Variants in GPBP1L1 observed in about 807,000 individuals in gnomAD.
GPBP1L1 encodes vasculin-like protein 1.
A neutral mutation model predicts 52.5 loss-of-function variants in GPBP1L1; 23 were observed. That is an observed-to-expected ratio of 0.44 (90% CI 0.32 to 0.62). GPBP1L1 has a LOEUF of 0.62. GPBP1L1 is among the 20% of genes least tolerant of loss of function. GPBP1L1 has a pLI of 0.06. For missense variants in GPBP1L1, 596 were observed against 579.3 expected (o/e 1.03, Z -0.30); for synonymous variants, 243 against 203.1 (o/e 1.20, Z -1.67).
At chr1:45,651,871 TCTCTAATTAACAATAC>T (rs1197121978) in intron 6 of GPBP1L1, 2 of 224,850 alleles carry the variant, frequency 8.9e-6, no homozygotes, top group African/African-American at 4.6e-5. Flanking sequence ...GACTCTTCCT[TCTCTAATTAACAATAC>T]CTCAGTTCCA....
intron 10 of GPBP1L1, among the ~76,000 whole-genome samples, chr1:45,632,034 A>T (rs1004662002): frequency 3.3e-5 from 5 of 152,112 alleles, no homozygotes; most frequent in African/African-American, 1.2e-4. Context: ...CAGCCTGACC[A>T]ACATGGTGAA....
chr1:45,629,832 G>A (rs1569741603), intron 11 of GPBP1L1, 154 bp from the exon 12 acceptor site: 3 of 602,356 alleles, frequency 5.0e-6, no homozygotes, highest in South Asian at 2.0e-5. Flanking sequence ...CTTTAATTGT[G>A]GCTACCTGGG....
At chr1:45,684,450 A>C (rs577433720) in intron 2 of GPBP1L1, among the ~76,000 whole-genome samples, 1 of 152,102 alleles carries the variant, frequency 6.6e-6, no homozygotes, top group Non-Finnish European at 1.5e-5. Flanking sequence ...AATGAATTAC[A>C]AGCAGAAATG....
At chr1:45,673,773 T>C (rs1645104908) in intron 2 of GPBP1L1, among the ~76,000 whole-genome samples, 1 of 152,128 alleles carries the variant, frequency 6.6e-6, no homozygotes, top group South Asian at 2.1e-4. Flanking sequence ...GAGGCAGAAT[T>C]GCTTGAATCC....
intron 11 of GPBP1L1, among the ~76,000 whole-genome samples, chr1:45,630,062 C>G (rs976827093): frequency 1.3e-5 from 2 of 151,996 alleles, no homozygotes; most frequent in Non-Finnish European, 2.9e-5. Context: ...GCCATTCTCC[C>G]GTCCCAGCCT....
At position 45,630,478 on chromosome 1, in the gene GPBP1L1, T is replaced by A. The variant is rs771160764; in HGVS notation, c.1169+4A>T. Reference sequence around the variant, plus strand: ...GCATGCCCTGTGATGTCCTCCTCACTTACCTGTGCTCTGCTTCTAGAGAGT... The same window carrying A: ...GCATGCCCTGTGATGTCCTCCTCACATACCTGTGCTCTGCTTCTAGAGAGT... On this transcript the variant is annotated splice_donor_region_variant and intron_variant, in intron 11 of 12. Coordinates refer to ENST00000355105, the MANE Select transcript of GPBP1L1 (RefSeq NM_021639.5). 6.2e-7 allele frequency: 1 copy of A among 1,613,782 alleles called. No individual in the cohort carries two copies. Among genetic ancestry groups the A allele is most frequent in the East Asian group, 2.2e-5 (1 of 44,882 alleles).
At chr1:45,664,890 G>A (rs1351731670) in intron 2 of GPBP1L1, among the ~76,000 whole-genome samples, 1 of 152,056 alleles carries the variant, frequency 6.6e-6, no homozygotes, top group African/African-American at 2.4e-5. Flanking sequence ...TGTTAGCCAG[G>A]TTGGTCTTGA....
In GPBP1L1 at chr1:45,633,433, C is replaced by T. The variant is rs878882059; in HGVS notation, c.1044+56G>A. 14 of 1,564,326 alleles carry T rather than the reference C, an allele frequency of 8.9e-6. No homozygotes were observed. In the South Asian group the frequency reaches 9.0e-5, roughly 10 times the overall value. On this transcript the variant is annotated intron_variant, in intron 10 of 12. Transcript: ENST00000355105. ...TTTATCCTTTAAGAAGAAGAAATCA[C>T]GTATGTATCAAAGGAAAATTCCTAG...
intron 6 of GPBP1L1, among the ~76,000 whole-genome samples, chr1:45,647,285 C>T (rs1375609907): frequency 6.6e-6 from 1 of 151,580 alleles, no homozygotes; most frequent in Non-Finnish European, 1.5e-5. Context: ...CTTTAATGTC[C>T]TGGTTATCTT....
chr1:45,630,333 G>T, intron 11 of GPBP1L1, 149 bp downstream of exon 11: 2 of 841,016 alleles, frequency 2.4e-6, no homozygotes, highest in Non-Finnish European at 1.8e-6. Flanking sequence ...ATGAGCAACA[G>T]GCCAACCTGG....
intron 6 of GPBP1L1, among the ~76,000 whole-genome samples, chr1:45,647,304 C>T (rs568224562): frequency 6.6e-6 from 1 of 151,900 alleles, no homozygotes; most frequent in Non-Finnish European, 1.5e-5. Flanking sequence ...TTCTCCCTAC[C>T]GCTTTTATCT....
intron 8 of GPBP1L1, among the ~76,000 whole-genome samples, chr1:45,639,629 C>G (rs2148436505): frequency 6.6e-6 from 1 of 150,980 alleles, no homozygotes; most frequent in Admixed American, 6.6e-5. Context: ...GTAATCCCAG[C>G]ACCTTGGGAG....
At chr1:45,681,443 T>C (rs1174714311) in intron 2 of GPBP1L1, among the ~76,000 whole-genome samples, 1 of 152,126 alleles carries the variant, frequency 6.6e-6, no homozygotes, top group Non-Finnish European at 1.5e-5. Context: ...AATATGCAAA[T>C]TAAGGCATTT....
At chr1:45,629,454 T>TCACC in intron 12 of GPBP1L1, 122 bp downstream of exon 12, 2 of 115,396 alleles carry the variant, frequency 1.7e-5, no homozygotes, top group South Asian at 9.7e-5. Flanking sequence ...ACTAAGGTAA[T>TCACC]CCCCCCCCCC....
At chr1:45,649,869 C>G (rs1644799979) in intron 6 of GPBP1L1, among the ~76,000 whole-genome samples, 1 of 152,154 alleles carries the variant, frequency 6.6e-6, no homozygotes, top group African/African-American at 2.4e-5. Context: ...TTCTGATTTT[C>G]TTTCCCATCA....
rs185373088 is a variant in GPBP1L1 at position 45,632,294 on chromosome 1, T to C, written c.1044+1195A>G. Among the ~76,000 whole-genome samples, 61 of 152,244 alleles carry C rather than the reference T, an allele frequency of 4.0e-4. 1 individual carries two copies. Among genetic ancestry groups the C allele is most frequent in the Non-Finnish European group, 7.5e-4 (51 of 68,028 alleles). On this transcript the variant is annotated intron_variant, in intron 10 of 12. Coordinates refer to ENST00000355105, the MANE Select transcript of GPBP1L1 (RefSeq NM_021639.5). ...GGCACATGCCTGTAATCCCAGCTAC[T>C]TGGGAGGCTGAGGCAGGAGAACTGC...
intron 10 of GPBP1L1, among the ~76,000 whole-genome samples, chr1:45,631,698 A>G (rs1288455726): frequency 6.6e-6 from 1 of 152,176 alleles, no homozygotes; most frequent in Non-Finnish European, 1.5e-5. Context: ...AGGTGGGAGG[A>G]CTGCTTGAGT....
chr1:45,654,940 A>C, intron 5 of GPBP1L1, 111 bp from the exon 6 acceptor site: 1 of 1,146,634 alleles, frequency 8.7e-7, no homozygotes, highest in Non-Finnish European at 1.2e-6. Context: ...ACACAAAAAA[A>C]ATAAAAAAAT....
At position 45,660,421 on chromosome 1, in the gene GPBP1L1, G is replaced by A. The variant is rs564964132; in HGVS notation, c.-293C>T. 6.1e-6 allele frequency: 6 copies of A among 978,732 alleles called. No homozygotes were observed. The highest frequency in any genetic ancestry group is 1.1e-4 in the East Asian group (1 of 8,718). The allele number at this position is 978,732 out of a possible 1,614,324, so 60.6% of individuals were successfully genotyped here. A position where few individuals can be genotyped will look rare whatever the true frequency, so the allele number is the denominator to read the frequency against. On this transcript the variant is annotated 5_prime_UTR_variant, in exon 3 of 13. Transcript: ENST00000355105. ...GGGAAAGGGGAAAAGGGGAAGGGGG[G>A]AAGGGGAACATAAAAAGTATTTGTT...
Sources: allele counts gnomAD v4.1 joint callset (sites outside exome capture counted in the v4.1 genomes callset), GRCh38; gene constraint gnomAD v4.1.1; transcripts MANE v1.5; gene names NCBI Gene and HGNC (gene_info 2026-07-23, HGNC 2026-07-21).